Variants in OGN observed in about 807,000 individuals in gnomAD.
OGN encodes osteoglycin, also known as mimecan.
In OGN, 19 loss-of-function variants were observed where a neutral mutation model predicts 30.8. The ratio of observed to expected loss-of-function variants is 0.62; its 90% confidence interval spans 0.43 to 0.90. The LOEUF is 0.90. Ranked by LOEUF, OGN falls within the 40% of genes least tolerant of loss-of-function variation. OGN has a pLI of 0.00. For missense variants in OGN, 283 were observed against 349.7 expected, an observed-to-expected ratio of 0.81 and a Z score of 1.52; for synonymous variants, 126 against 128.3, an observed-to-expected ratio of 0.98 and a Z score of 0.12.
At chr9:92,386,390 T>C (rs1842422923) in intron 5 of OGN, 94 bp from the exon 6 acceptor site, 1 of 752,010 alleles carries the variant, frequency 1.3e-6, no homozygotes, top group South Asian at 1.5e-5. Context: ...TATATGTCTA[T>C]ATATACAGAC....
intron 4 of OGN, among the ~76,000 whole-genome samples, chr9:92,390,495 G>C (rs952560685): frequency 6.6e-6 from 1 of 151,896 alleles, no homozygotes; most frequent in Admixed American, 6.6e-5. Flanking sequence ...ATGCCTTATC[G>C]CTTAACAACA....
At position 92,385,780 on chromosome 9, in the gene OGN, A is replaced by AT. The variant is rs754435795; in HGVS notation, c.736dup (p.Ile246AsnfsTer7). On this transcript the variant is annotated frameshift_variant, in exon 7 of 7. Coordinates refer to ENST00000375561, the MANE Select transcript of OGN (RefSeq NM_014057.5). LOFTEE classifies it high-confidence loss of function. ...GAATGTGTCATCTGTAATTGAAGCT[A>AT]TGTTGTTGAACTGAAAAAAAACGAG... is the stretch of plus-strand genomic sequence containing the variant. 6.2e-7 allele frequency: 1 copy of AT among 1,614,054 alleles called. No homozygotes were observed. Among genetic ancestry groups the AT allele is most frequent in the Non-Finnish European group, 8.5e-7 (1 of 1,179,946 alleles).
At chr9:92,404,683 C>T, upstream of OGN, 1 of 1,244,428 alleles carries the variant, frequency 8.0e-7, no homozygotes. Context: ...CATTCTTTCT[C>T]TAGGGTGAAA....
At position 92,404,490 on chromosome 9, in the gene OGN, G is replaced by A; in HGVS notation, c.-76+6C>T. On this transcript the variant is annotated splice_donor_region_variant and intron_variant, in intron 1 of 6. Coordinates refer to ENST00000375561, the MANE Select transcript of OGN (RefSeq NM_014057.5). ...ATTTAAAATAATATATGAAAAGTAA[G>A]CCTACCGTTGTAGCTGTTTTGAAGT... The A allele has an allele frequency of 1.6e-6, 2 of 1,280,898 alleles. No homozygotes were observed. The highest frequency in any genetic ancestry group is 1.3e-5 in the South Asian group (1 of 74,372). The allele number at this position is 1,280,898 out of a possible 1,614,324, so 79.3% of individuals were successfully genotyped here.
chr9:92,404,648 T>C, upstream of OGN: 1 of 1,270,028 alleles, frequency 7.9e-7, no homozygotes, highest in South Asian at 1.4e-5. Context: ...AAGAACAGTT[T>C]CCATGTGGTA....
chr9:92,398,380 C>T (rs1327627101), intron 3 of OGN, among the ~76,000 whole-genome samples: 1 of 152,122 alleles, frequency 6.6e-6, no homozygotes, highest in African/African-American at 2.4e-5. Flanking sequence ...AAAATTAAAT[C>T]TACATTAAAA....
At chr9:92,394,582 A>G (rs1462675794) in intron 3 of OGN, among the ~76,000 whole-genome samples, 1 of 151,618 alleles carries the variant, frequency 6.6e-6, no homozygotes, top group Non-Finnish European at 1.5e-5. Context: ...TATCAAATAA[A>G]CATGTCAAAT....
chr9:92,397,019 A>T (rs1176120072), intron 3 of OGN, among the ~76,000 whole-genome samples: 2 of 151,744 alleles, frequency 1.3e-5, no homozygotes, highest in African/African-American at 4.8e-5. Context: ...CTACAAAAAA[A>T]TACAAAAATT....
intron 5 of OGN, among the ~76,000 whole-genome samples, chr9:92,387,097 G>C (rs1272065992): frequency 2.7e-5 from 4 of 150,722 alleles, no homozygotes; most frequent in Non-Finnish European, 5.9e-5. Flanking sequence ...GCTTAGCCGG[G>C]CATGGTGGCT....
At chr9:92,394,046 A>G (rs1251730780) in intron 3 of OGN, among the ~76,000 whole-genome samples, 5 of 152,180 alleles carry the variant, frequency 3.3e-5, no homozygotes, top group African/African-American at 1.2e-4. Context: ...TTGAGAATCT[A>G]AATGTCTGGT....
chr9:92,394,109 C>T (rs538075440), intron 3 of OGN, among the ~76,000 whole-genome samples: 3 of 152,204 alleles, frequency 2.0e-5, no homozygotes, highest in South Asian at 4.1e-4. Flanking sequence ...GATTCTTACC[C>T]GAATCATTTG....
chr9:92,401,011 G>A, intron 3 of OGN, 81 bp downstream of exon 3: 1 of 700,378 alleles, frequency 1.4e-6, no homozygotes, highest in South Asian at 1.8e-5. Flanking sequence ...TCTTGAGTCA[G>A]TTTTTGATTA....
chr9:92,387,378 G>GAA (rs574588556), intron 5 of OGN, among the ~76,000 whole-genome samples: 6 of 117,280 alleles, frequency 5.1e-5, no homozygotes, highest in Admixed American at 1.7e-4. Flanking sequence ...TCCATCTCAA[G>GAA]AAAAAAAAAA....
At position 92,393,237 on chromosome 9, in the gene OGN, G is replaced by T; in HGVS notation, c.276C>A (p.Pro92=). 1 of 1,565,902 alleles carries T rather than the reference G, an allele frequency of 6.4e-7. No homozygotes were observed. Among genetic ancestry groups the T allele is most frequent in the Non-Finnish European group, 8.6e-7 (1 of 1,156,096 alleles). ...LPPKKENDEM[P]TCLLCVCLSG... ...TTAAACAAACACACAGCAGACACGT[G>T]GGCATTTCTAAATTGGGAATAAAAT... Residue 92 remains proline, a synonymous_variant, in exon 4 of 7, where the codon CCC becomes CCA. Transcript: ENST00000375561.
At chr9:92,390,349 C>A (rs563500324) in intron 4 of OGN, among the ~76,000 whole-genome samples, 17 of 152,254 alleles carry the variant, frequency 1.1e-4, no homozygotes, top group African/African-American at 3.9e-4. Context: ...GATGGTCAGG[C>A]AGTTTGAAAG....
chr9:92,399,386 CTT>C (rs1843017972), intron 3 of OGN, among the ~76,000 whole-genome samples: 1 of 151,968 alleles, frequency 6.6e-6, no homozygotes, highest in East Asian at 1.9e-4. Context: ...TGGTTAATCT[CTT>C]TTCCTCGATT....
chr9:92,402,936 A>G (rs1393781213), intron 2 of OGN, among the ~76,000 whole-genome samples: 4 of 152,196 alleles, frequency 2.6e-5, no homozygotes, highest in African/African-American at 9.6e-5. Flanking sequence ...GCATTGTGTA[A>G]CATTACTTAA....
intron 3 of OGN, among the ~76,000 whole-genome samples, chr9:92,399,996 A>G (rs932867214): frequency 7.2e-5 from 11 of 152,146 alleles, no homozygotes; most frequent in Non-Finnish European, 1.0e-4. Context: ...ATGTTGTTCC[A>G]TATGAATTCT....
rs937021254 is a variant in OGN, at chr9:92,383,663, A to G, written c.*1957T>C. 6.6e-6 allele frequency among the ~76,000 whole-genome samples: 1 copy of G among 152,136 alleles called. No homozygotes were observed. Among genetic ancestry groups the G allele is most frequent in the Non-Finnish European group, 1.5e-5 (1 of 68,000 alleles). On this transcript the variant is annotated 3_prime_UTR_variant, in exon 7 of 7. Coordinates refer to ENST00000375561, the MANE Select transcript of OGN (RefSeq NM_014057.5). ...TTTTATTTGTGATTTAAGGTTGTGT[A>G]TATGAAGGTGTAAGGTATGCATGTT...
Sources: allele counts gnomAD v4.1 joint callset (sites outside exome capture counted in the v4.1 genomes callset), GRCh38; gene constraint gnomAD v4.1.1; transcripts MANE v1.5; gene names NCBI Gene and HGNC (gene_info 2026-07-23, HGNC 2026-07-21).